Variants in CDH8 observed in about 807,000 individuals in gnomAD.
The protein encoded by CDH8 is cadherin 8, also known as cadherin-8.
Under a neutral mutation model 68.1 loss-of-function variants are expected in CDH8, and 17 were observed. The observed-to-expected ratio is 0.25, with a 90% confidence interval of 0.17 to 0.37. The LOEUF (loss-of-function observed/expected upper bound fraction) is 0.37. CDH8 is among the 10% of genes least tolerant of loss of function. The probability of loss-of-function intolerance (pLI) is 1.00; values close to 1 mark genes in which losing one functional copy is unlikely to be tolerated. For missense variants in CDH8, 763 were observed against 999.3 expected (o/e 0.76, Z 3.19); for synonymous variants, 372 against 365.1 (o/e 1.02, Z -0.21).
intron 2 of CDH8, among the ~76,000 whole-genome samples, chr16:61,990,999 AAGG>A (rs1965711117): frequency 6.6e-6 from 1 of 151,750 alleles, no homozygotes; most frequent in Non-Finnish European, 1.5e-5. Flanking sequence ...GAAAGGGAGG[AAGG>A]AAAGGAAGGG....
chr16:61,934,960 TG>T (rs1328738749), intron 2 of CDH8, among the ~76,000 whole-genome samples: 2 of 152,114 alleles, frequency 1.3e-5, no homozygotes, highest in African/African-American at 4.8e-5. Context: ...TAGAAAACTG[TG>T]TTGAGAGGGT....
chr16:61,967,013 G>A (rs745816004), intron 2 of CDH8, among the ~76,000 whole-genome samples: 9 of 152,072 alleles, frequency 5.9e-5, no homozygotes, highest in Admixed American at 3.3e-4. Context: ...AGACCAGCCT[G>A]AGCAACACAG....
intron 4 of CDH8, among the ~76,000 whole-genome samples, chr16:61,840,691 G>T (rs892712498): frequency 2.0e-5 from 3 of 152,100 alleles, no homozygotes; most frequent in Non-Finnish European, 4.4e-5. Context: ...AACACTGCAT[G>T]TTCTCACTTA....
chr16:61,927,665 C>A (rs953756759), intron 2 of CDH8, among the ~76,000 whole-genome samples: 1 of 152,116 alleles, frequency 6.6e-6, no homozygotes, highest in Non-Finnish European at 1.5e-5. Flanking sequence ...TCAGGTGGCA[C>A]CCCGTCAGGC....
chr16:61,801,833 T>A (rs56334805), intron 7 of CDH8, among the ~76,000 whole-genome samples: 4,707 of 152,192 alleles, frequency 0.031, 237 homozygotes, highest in African/African-American at 0.11. Context: ...GGAGTCTCGC[T>A]GATTTCTAGC....
At chr16:61,716,832 A>G (rs1439973191) in intron 9 of CDH8, among the ~76,000 whole-genome samples, 1 of 151,800 alleles carries the variant, frequency 6.6e-6, no homozygotes, top group East Asian at 1.9e-4. Context: ...AGGTCACTTG[A>G]AGGACTTCAT....
intron 2 of CDH8, among the ~76,000 whole-genome samples, chr16:61,925,285 C>G (rs2143432732): frequency 6.6e-6 from 1 of 152,260 alleles, no homozygotes; most frequent in African/African-American, 2.4e-5. Flanking sequence ...ATAAGAAGAG[C>G]AAACAAGATT....
chr16:61,768,315 T>C (rs1231444550), intron 8 of CDH8, among the ~76,000 whole-genome samples: 2 of 14,116 alleles, frequency 1.4e-4, no homozygotes, highest in East Asian at 2.4e-3. Flanking sequence ...TCTCTCCCTT[T>C]CTCTCTCTCT....
intron 2 of CDH8, among the ~76,000 whole-genome samples, chr16:61,950,101 G>C (rs1374765583): frequency 1.3e-5 from 2 of 152,156 alleles, no homozygotes; most frequent in Non-Finnish European, 2.9e-5. Flanking sequence ...AAGACAGTCA[G>C]GGACCTACAA....
chr16:61,798,547 A>G (rs763080674), intron 7 of CDH8, among the ~76,000 whole-genome samples: 1 of 152,204 alleles, frequency 6.6e-6, no homozygotes, highest in Non-Finnish European at 1.5e-5. Context: ...TGTAACTTCA[A>G]TGAGCTGTAT....
chr16:61,859,349 A>G (rs923173088), intron 3 of CDH8, among the ~76,000 whole-genome samples: 3 of 152,212 alleles, frequency 2.0e-5, no homozygotes, highest in Admixed American at 6.5e-5. Flanking sequence ...ATTGCCAAAA[A>G]ATACTCAGAA....
Position 61,904,252 on chromosome 16 carries a change from G to A in CDH8, c.253-2779C>T, listed in dbSNP as rs1329040974. On this transcript the variant is annotated intron_variant, in intron 2 of 11. Transcript: ENST00000577390. ...TGAGGCTGCAGGTCTGGCCCTCCAA[G>A]TACAGAATACATGGTTACAAGCTGT... 3.3e-5 allele frequency among the ~76,000 whole-genome samples: 5 copies of A among 152,172 alleles called. 1 individual carries two copies. The highest frequency in any genetic ancestry group is 1.2e-4 in the African/African-American group (5 of 41,442).
intron 3 of CDH8, among the ~76,000 whole-genome samples, chr16:61,895,968 GC>G (rs1963862836): frequency 6.6e-6 from 1 of 151,498 alleles, no homozygotes; most frequent in Middle Eastern, 3.2e-3. Flanking sequence ...CAGATTTGGA[GC>G]CAAATAACCT....
intron 2 of CDH8, among the ~76,000 whole-genome samples, chr16:61,948,225 A>G (rs1964830626): frequency 1.3e-5 from 2 of 152,194 alleles, no homozygotes; most frequent in Non-Finnish European, 2.9e-5. Context: ...AAAACTGCCT[A>G]TAAGAATTAG....
intron 7 of CDH8, among the ~76,000 whole-genome samples, chr16:61,799,241 T>C (rs988742313): frequency 6.6e-6 from 1 of 152,076 alleles, no homozygotes; most frequent in Admixed American, 6.6e-5. Flanking sequence ...CATACTTCTC[T>C]CCATAGGAAA....
intron 9 of CDH8, among the ~76,000 whole-genome samples, chr16:61,721,095 G>A (rs988261324): frequency 4.7e-5 from 7 of 150,464 alleles, no homozygotes; most frequent in African/African-American, 1.2e-4. Context: ...GATTGTTCAA[G>A]CTCCAAACCC....
intron 2 of CDH8, among the ~76,000 whole-genome samples, chr16:62,008,964 CAT>C (rs1400431000): frequency 1.1e-3 from 151 of 141,636 alleles, no homozygotes; most frequent in Non-Finnish European, 2.6e-4. Flanking sequence ...CACACACACA[CAT>C]GAGTATGACA....
chr16:61,886,972 C>G (rs1019262537), intron 3 of CDH8, among the ~76,000 whole-genome samples: 17 of 152,176 alleles, frequency 1.1e-4, no homozygotes, highest in Non-Finnish European at 2.1e-4. Flanking sequence ...GTTAGGTAGC[C>G]ACTCAGCGGA....
At chr16:61,714,485 T>C (rs1198484496) in intron 9 of CDH8, among the ~76,000 whole-genome samples, 1 of 151,636 alleles carries the variant, frequency 6.6e-6, no homozygotes, top group Non-Finnish European at 1.5e-5. Context: ...CAATAATTAA[T>C]ACTGTTTTTT....
Sources: gnomAD v4.1 joint callset for allele counts (sites outside exome capture counted in the v4.1 genomes callset) on GRCh38, gnomAD v4.1.1 for gene constraint, MANE v1.5 for transcripts, NCBI Gene and HGNC (gene_info 2026-07-23, HGNC 2026-07-21) for gene names.